Variants in HPSE2 observed in about 807,000 individuals in gnomAD.
The protein encoded by HPSE2 is inactive heparanase-2.
A neutral mutation model predicts 60.5 loss-of-function variants in HPSE2; 38 were observed. The observed-to-expected ratio is 0.63, with a 90% CI of 0.48 to 0.82. HPSE2 has a LOEUF of 0.82. Among genes scored for constraint, HPSE2 ranks in the 40% least tolerant of loss-of-function variants. The pLI, the probability that HPSE2 is intolerant of heterozygous loss-of-function variation, is 0.00. For missense variants in HPSE2, 713 were observed against 740.4 expected, an observed-to-expected ratio of 0.96 and a Z score of 0.43; for synonymous variants, 295 against 293.2, an observed-to-expected ratio of 1.01 and a Z score of -0.06.
chr10:98,522,005 G>A (rs927545701), intron 9 of HPSE2, among the ~76,000 whole-genome samples: 20 of 151,946 alleles, frequency 1.3e-4, no homozygotes, highest in Non-Finnish European at 2.6e-4. Context: ...CTGGGGGAGG[G>A]AAAAGCATTA....
intron 11 of HPSE2, among the ~76,000 whole-genome samples, chr10:98,473,532 G>GAGAGAA (rs1554911866): frequency 1.4e-5 from 2 of 139,608 alleles, no homozygotes; most frequent in African/African-American, 2.7e-5. Context: ...AAGAGAGAGA[G>GAGAGAA]AGAAAGAAAG....
the HPSE2 span, among the ~76,000 whole-genome samples, chr10:99,281,560 A>G: frequency 6.6e-6 from 1 of 152,090 alleles, no homozygotes; most frequent in Non-Finnish European, 1.5e-5. Context: ...CTCTCGTAAT[A>G]GTATTTGAAT....
At chr10:99,135,063 G>GA (rs1184569753) in intron 3 of HPSE2, among the ~76,000 whole-genome samples, 2 of 152,022 alleles carry the variant, frequency 1.3e-5, no homozygotes, top group Non-Finnish European at 2.9e-5. Context: ...CAGGAGTTGC[G>GA]ATCTTAATCT....
intron 3 of HPSE2, among the ~76,000 whole-genome samples, chr10:98,842,540 T>C (rs1422559516): frequency 9.8e-5 from 13 of 133,084 alleles, no homozygotes; most frequent in Non-Finnish European, 1.9e-4. Context: ...TTAAGTGTCT[T>C]TAAAAAAAAA....
intron 3 of HPSE2, among the ~76,000 whole-genome samples, chr10:98,874,696 A>C (rs1303810726): frequency 6.6e-6 from 1 of 152,086 alleles, no homozygotes; most frequent in Non-Finnish European, 1.5e-5. Flanking sequence ...GCCGGTTTTC[A>C]AAGGCAATGC....
chr10:98,754,153 GA>G (rs1949824038), intron 3 of HPSE2, among the ~76,000 whole-genome samples: 1 of 152,152 alleles, frequency 6.6e-6, no homozygotes, highest in South Asian at 2.1e-4. Context: ...GTCATTTTAA[GA>G]AAGAACCAAA....
At chr10:99,029,879 C>A (rs1417186924) in intron 3 of HPSE2, among the ~76,000 whole-genome samples, 1 of 152,194 alleles carries the variant, frequency 6.6e-6, no homozygotes, top group Non-Finnish European at 1.5e-5. Flanking sequence ...GAAAAGGAGA[C>A]TCCCTTTCCC....
chr10:99,082,951 C>A (rs1843197089), intron 3 of HPSE2, among the ~76,000 whole-genome samples: 1 of 152,064 alleles, frequency 6.6e-6, no homozygotes, highest in African/African-American at 2.4e-5. Context: ...AAGAAGAGAA[C>A]AGCAAAGAGA....
chr10:99,223,593 AAC>A (rs1288247405), intron 2 of HPSE2, among the ~76,000 whole-genome samples: 2 of 152,154 alleles, frequency 1.3e-5, no homozygotes, highest in Non-Finnish European at 2.9e-5. Flanking sequence ...CAAAAACCAA[AAC>A]ACATATATTT....
chr10:98,472,379 C>A (rs949513439), intron 11 of HPSE2, among the ~76,000 whole-genome samples: 5 of 152,126 alleles, frequency 3.3e-5, no homozygotes, highest in Non-Finnish European at 7.4e-5. Flanking sequence ...GTGCTCTCAG[C>A]CTCTGCAGCT....
the HPSE2 span, among the ~76,000 whole-genome samples, chr10:99,283,532 T>G: frequency 6.6e-6 from 1 of 151,670 alleles, no homozygotes; most frequent in African/African-American, 2.4e-5. Context: ...AAAAAAAAAT[T>G]TTTTTAAAGG....
At chr10:98,752,202 A>G (rs144803202) in intron 3 of HPSE2, among the ~76,000 whole-genome samples, 1 of 152,324 alleles carries the variant, frequency 6.6e-6, no homozygotes, top group South Asian at 2.1e-4. Context: ...GGATAGAAAA[A>G]TATGTGACTG....
chr10:99,027,845 G>A (rs1166949916), intron 3 of HPSE2, among the ~76,000 whole-genome samples: 1 of 152,104 alleles, frequency 6.6e-6, no homozygotes, highest in African/African-American at 2.4e-5. Flanking sequence ...ATGCAAGGAT[G>A]TTTCAACATA....
At chr10:98,957,281 C>G (rs1489779465) in intron 3 of HPSE2, among the ~76,000 whole-genome samples, 3 of 152,114 alleles carry the variant, frequency 2.0e-5, no homozygotes, top group Non-Finnish European at 2.9e-5. Flanking sequence ...AGCAGCTACC[C>G]AAGAAATGGC....
chr10:98,579,669 C>A (rs1337991694), intron 9 of HPSE2, among the ~76,000 whole-genome samples: 1 of 152,152 alleles, frequency 6.6e-6, no homozygotes, highest in Non-Finnish European at 1.5e-5. Flanking sequence ...TATTCTTTAA[C>A]CAAGGCTATC....
rs186770990 is a variant in HPSE2, at chr10:98,588,909, A to G, written c.1320+25995T>C. ...GAAAGAGTTCAAAACTCGACAAAAC[A>G]TGAAAAATTACCAGAAAGAAAAAAC... On this transcript the variant is annotated intron_variant, in intron 9 of 11. Coordinates refer to ENST00000370552, the MANE Select transcript of HPSE2 (RefSeq NM_021828.5). Among the ~76,000 whole-genome samples the G allele has an allele frequency of 1.2e-4, 19 of 152,296 alleles. No individual in the cohort carries two copies. The East Asian group carries it at 2.5e-3, about 20-fold the overall frequency.
intron 2 of HPSE2, among the ~76,000 whole-genome samples, chr10:99,204,966 C>T (rs371769042): frequency 7.9e-5 from 12 of 152,258 alleles, no homozygotes; most frequent in African/African-American, 2.9e-4. Flanking sequence ...AGAGCTGAGG[C>T]CATTATCCTA....
chr10:99,139,512 A>G (rs964036768), intron 3 of HPSE2, among the ~76,000 whole-genome samples: 29 of 152,170 alleles, frequency 1.9e-4, no homozygotes, highest in Admixed American at 3.9e-4. Flanking sequence ...ATATATATAT[A>G]TGTGTGTTAC....
chr10:98,532,672 T>C (rs377690412), intron 9 of HPSE2, among the ~76,000 whole-genome samples: 2 of 152,214 alleles, frequency 1.3e-5, no homozygotes, highest in South Asian at 4.1e-4. Flanking sequence ...ATAATAATTG[T>C]TGGAGCTGCA....
Sources: gnomAD v4.1 joint callset for allele counts (sites outside exome capture counted in the v4.1 genomes callset) on GRCh38, gnomAD v4.1.1 for gene constraint, MANE v1.5 for transcripts, NCBI Gene and HGNC (gene_info 2026-07-23, HGNC 2026-07-21) for gene names.